Variants in CEP162 observed in about 807,000 individuals in gnomAD.
The protein encoded by CEP162 is centrosomal protein of 162 kDa.
Under a neutral mutation model 169.2 loss-of-function variants are expected in CEP162, and 141 were observed. That is an observed-to-expected ratio of 0.83 (90% CI 0.73 to 0.96). The LOEUF is 0.96. Ranked by LOEUF, CEP162 falls within the 40% of genes least tolerant of loss-of-function variation. The probability of loss-of-function intolerance (pLI) is 0.00; values close to 1 mark genes in which losing one functional copy is unlikely to be tolerated. For missense variants in CEP162, 1,600 were observed against 1,587.2 expected, an observed-to-expected ratio of 1.01 and a Z score of -0.14; for synonymous variants, 540 against 526.4, an observed-to-expected ratio of 1.03 and a Z score of -0.35.
chr6:84,206,192 C>G (rs1158055634), intron 6 of CEP162, among the ~76,000 whole-genome samples: 2 of 149,208 alleles, frequency 1.3e-5, no homozygotes, highest in Non-Finnish European at 2.9e-5. Context: ...CTACCAATGA[C>G]TTTCTTCACA....
chr6:84,201,264 CGA>C (rs2099544359), intron 8 of CEP162, among the ~76,000 whole-genome samples: 1 of 150,318 alleles, frequency 6.7e-6, no homozygotes, highest in South Asian at 2.1e-4. Context: ...GGCAACAGAG[CGA>C]GAGTCTGTCT....
At chr6:84,213,220 T>A (rs898149538) in intron 5 of CEP162, among the ~76,000 whole-genome samples, 196 bp from the exon 6 acceptor site, 1 of 152,212 alleles carries the variant, frequency 6.6e-6, no homozygotes, top group Non-Finnish European at 1.5e-5. Flanking sequence ...AGCATTTGAT[T>A]AATTGCAGTT....
chr6:84,185,351 C>T lies in CEP162; in HGVS notation c.1499G>A (p.Arg500Lys), dbSNP rs1319347780. 5.0e-6 allele frequency: 8 copies of T among 1,613,674 alleles called. No individual in the cohort carries two copies. The highest frequency in any genetic ancestry group is 6.8e-6 in the Non-Finnish European group (8 of 1,179,700). The change falls in exon 13 of 27, where the codon AGG (arginine) becomes AAG (lysine). Residue 500 changes from arginine (R) to lysine (K), a missense_variant. Coordinates refer to ENST00000403245, the MANE Select transcript of CEP162 (RefSeq NM_014895.4). ...KARSAPPLLK[R>K]KPQSGLYASV... ...CGCATATAATCCACTCTGGGGTTTC[C>T]TTTTAAGTAAAGGAGGTGCACTTCT...
chr6:84,201,091 A>C (rs1186551824), intron 8 of CEP162, among the ~76,000 whole-genome samples, 186 bp from the exon 9 acceptor site: 1 of 152,206 alleles, frequency 6.6e-6, no homozygotes, highest in Non-Finnish European at 1.5e-5. Flanking sequence ...ATCCTGGCTA[A>C]CACGGTGAAA....
chr6:84,194,971 T>C lies in CEP162; in HGVS notation c.940A>G (p.Asn314Asp). 1 of 1,613,668 alleles carries C rather than the reference T, an allele frequency of 6.2e-7. No homozygotes were observed. The highest frequency in any genetic ancestry group is 8.5e-7 in the Non-Finnish European group (1 of 1,179,698). Residue 314 changes from asparagine (N) to aspartate (D), a missense_variant, in exon 10 of 27, where the codon AAC (asparagine) becomes GAC (aspartate). Asn to Asp is a conservative substitution (Grantham distance 23). Transcript: ENST00000403245. ...GAGCTCTTGATATCTTCCACTGTGT[T>C]ACTCTCAATTTTTTGTTTGTCTTCA... is the stretch of plus-strand genomic sequence containing the variant. ...GDEDKQKIES[N>D]TVEDIKSSVK...
Position 84,161,788 on chromosome 6 carries a change from C to A in CEP162, c.2634G>T (p.Arg878=). 1.2e-6 allele frequency: 2 copies of A among 1,600,502 alleles called. No homozygotes were observed. Among genetic ancestry groups the A allele is most frequent in the East Asian group, 2.2e-5 (1 of 44,586 alleles). ...NQELLDKDAL[R]LREANEEIEK... ...CAATTTCCTCATTTGCTTCTCTAAG[C>A]CGAAGTGCATCTTTATCCAGAAGTT... Residue 878 remains arginine, a synonymous_variant, in exon 20 of 27, where the codon CGG becomes CGT. Coordinates refer to ENST00000403245, the MANE Select transcript of CEP162 (RefSeq NM_014895.4).
intron 18 of CEP162, among the ~76,000 whole-genome samples, chr6:84,164,001 T>C (rs2099526772): frequency 7.1e-6 from 1 of 141,700 alleles, no homozygotes; most frequent in Non-Finnish European, 1.5e-5. Flanking sequence ...CTTAAACAAA[T>C]TTACAAAAAA....
At chr6:84,134,528 G>C (rs1029541443) in intron 25 of CEP162, among the ~76,000 whole-genome samples, 10 of 152,196 alleles carry the variant, frequency 6.6e-5, no homozygotes, top group African/African-American at 2.4e-4. Context: ...CTTGGGAAAA[G>C]CATAGTAACT....
At chr6:84,159,791 A>T (rs2099524996) in intron 21 of CEP162, among the ~76,000 whole-genome samples, 1 of 150,950 alleles carries the variant, frequency 6.6e-6, no homozygotes, top group Admixed American at 6.6e-5. Flanking sequence ...CATGTTGGCC[A>T]CCCTGGTCTT....
intron 18 of CEP162, among the ~76,000 whole-genome samples, 172 bp from the exon 19 acceptor site, chr6:84,163,442 A>T (rs1321204782): frequency 1.3e-5 from 2 of 152,158 alleles, no homozygotes; most frequent in African/African-American, 4.8e-5. Context: ...GGCATGCAAT[A>T]GCCTATTAAA....
chr6:84,216,465 T>C (rs2099551578), intron 3 of CEP162, among the ~76,000 whole-genome samples: 1 of 152,174 alleles, frequency 6.6e-6, no homozygotes, highest in Non-Finnish European at 1.5e-5. Context: ...TCTAAAACAA[T>C]GGAATCAGTG....
intron 9 of CEP162, among the ~76,000 whole-genome samples, chr6:84,199,690 A>C (rs1022491584): frequency 6.6e-5 from 10 of 152,182 alleles, no homozygotes; most frequent in Non-Finnish European, 1.5e-5. Flanking sequence ...TAGACTGCAA[A>C]GCAAGCTGAT....
intron 25 of CEP162, among the ~76,000 whole-genome samples, chr6:84,142,876 C>G (rs540811722): frequency 0.024 from 3,666 of 152,102 alleles, 138 homozygotes; most frequent in African/African-American, 0.084. Context: ...GCTTGCCTAA[C>G]CTGCATGTGT....
intron 25 of CEP162, among the ~76,000 whole-genome samples, chr6:84,135,950 A>AC (rs762904363): frequency 2.6e-5 from 4 of 152,224 alleles, no homozygotes; most frequent in Non-Finnish European, 4.4e-5. Context: ...AACTATTGGC[A>AC]TAAGTCTTCC....
intron 25 of CEP162, among the ~76,000 whole-genome samples, chr6:84,133,132 A>G (rs747155840): frequency 1.4e-4 from 22 of 152,102 alleles, no homozygotes; most frequent in Admixed American, 5.2e-4. Flanking sequence ...TCCACTCCAG[A>G]CACTGTTTGC....
At chr6:84,163,361 G>A (rs9449815) in intron 18 of CEP162, 91 bp from the exon 19 acceptor site, 53 of 913,156 alleles carry the variant, frequency 5.8e-5, no homozygotes, top group South Asian at 1.7e-4. Context: ...TGAACACTAC[G>A]GCAAAATATT....
At chr6:84,216,765 A>C (rs1171911942) in intron 3 of CEP162, among the ~76,000 whole-genome samples, 2 of 152,196 alleles carry the variant, frequency 1.3e-5, no homozygotes, top group African/African-American at 4.8e-5. Context: ...GATTTGTTTC[A>C]GTATAATCCT....
In CEP162 at chr6:84,205,672, C is replaced by A. The variant is rs531820695; in HGVS notation, c.572-1576G>T. Among the ~76,000 whole-genome samples, 607 of 152,152 alleles carry A rather than the reference C, an allele frequency of 4.0e-3. 4 individuals are homozygous for A. The highest frequency in any genetic ancestry group is 0.014 in the African/African-American group (583 of 41,438). On this transcript the variant is annotated intron_variant, in intron 6 of 26. Transcript: ENST00000403245. Reference sequence around the variant, plus strand: ...TGAAAACTGGCACAAGACAGGGATGCCCTCTCTCACCACTCCTATTCAACA... The same window carrying A: ...TGAAAACTGGCACAAGACAGGGATGACCTCTCTCACCACTCCTATTCAACA...
chr6:84,221,777 T>C (rs945024340), intron 2 of CEP162, among the ~76,000 whole-genome samples: 2 of 152,052 alleles, frequency 1.3e-5, no homozygotes, highest in African/African-American at 2.4e-5. Context: ...ATAAAAACCT[T>C]CAAACACCAC....
Sources: allele counts gnomAD v4.1 joint callset (sites outside exome capture counted in the v4.1 genomes callset), GRCh38; gene constraint gnomAD v4.1.1; transcripts MANE v1.5; gene names NCBI Gene and HGNC (gene_info 2026-07-23, HGNC 2026-07-21).